CGNL1: variants seen among roughly 807,000 people sequenced by gnomAD.
CGNL1 encodes the protein cingulin-like protein 1.
Under a neutral mutation model 141.2 loss-of-function variants are expected in CGNL1, and 132 were observed. The ratio of observed to expected loss-of-function variants is 0.93; its 90% CI spans 0.81 to 1.08. The LOEUF is 1.08. CGNL1 is among the 50% of genes least tolerant of loss of function. CGNL1 has a pLI of 0.00. For synonymous variants in CGNL1, 690 were observed against 622.1 expected, an observed-to-expected ratio of 1.11 and a Z score of -1.63; for missense variants, 1,870 against 1,588.6, an observed-to-expected ratio of 1.18 and a Z score of -3.01.
At position 57,438,986 on chromosome 15, in the gene CGNL1, T is replaced by A; in HGVS notation, c.987T>A (p.His329Gln). The A allele has an allele frequency of 1.2e-6, 2 of 1,614,180 alleles. No individual in the cohort carries two copies. ...CAIHADNVNR[H>Q]ENRRYIPFLP... ...TCCATGCCGACAACGTCAATCGTCA[T>A]GAAAACAGAAGGTATATTCCCTTCC... Residue 329 changes from histidine (H) to glutamine (Q), a missense_variant, in exon 2 of 19, where the codon CAT (histidine) becomes CAA (glutamine). By Grantham distance (24) the His-to-Gln change is conservative. Coordinates refer to ENST00000281282, the MANE Select transcript of CGNL1 (RefSeq NM_032866.5).
chr15:57,515,495 C>G (rs2030698566), intron 8 of CGNL1, among the ~76,000 whole-genome samples: 2 of 152,194 alleles, frequency 1.3e-5, no homozygotes, highest in Non-Finnish European at 2.9e-5. Context: ...CTTGTCCTCC[C>G]TGGGCCTTTC....
chr15:57,384,691 AAAAT>A (rs2062462995), intron 1 of CGNL1, among the ~76,000 whole-genome samples: 1 of 152,162 alleles, frequency 6.6e-6, no homozygotes, highest in South Asian at 2.1e-4. Context: ...CTTTTTTAAA[AAAAT>A]TGCCATAAAC....
At chr15:57,522,017 C>T (rs188060287) in intron 10 of CGNL1, among the ~76,000 whole-genome samples, 13 of 152,264 alleles carry the variant, frequency 8.5e-5, no homozygotes, top group Admixed American at 1.3e-4. Context: ...CACCCTTTGC[C>T]CCAACACTGC....
At chr15:57,515,485 C>T (rs1242750958) in intron 8 of CGNL1, among the ~76,000 whole-genome samples, 2 of 152,212 alleles carry the variant, frequency 1.3e-5, no homozygotes, top group African/African-American at 4.8e-5. Context: ...AAAGCCTAAC[C>T]TTGTCCTCCC....
At chr15:57,529,911 A>G (rs1489970730) in intron 13 of CGNL1, among the ~76,000 whole-genome samples, 1 of 152,208 alleles carries the variant, frequency 6.6e-6, no homozygotes, top group African/African-American at 2.4e-5. Context: ...GACTAGAATA[A>G]CCTGATTACA....
intron 8 of CGNL1, among the ~76,000 whole-genome samples, chr15:57,495,017 A>G: frequency 6.6e-6 from 1 of 152,060 alleles, no homozygotes; most frequent in East Asian, 1.9e-4. Context: ...CATCACCTCT[A>G]CTGGAAATGG....
At chr15:57,530,513 C>CA (rs2031889778) in intron 13 of CGNL1, among the ~76,000 whole-genome samples, 1 of 152,150 alleles carries the variant, frequency 6.6e-6, no homozygotes, top group Non-Finnish European at 1.5e-5. Flanking sequence ...CTCCTAACGA[C>CA]GGACATTTTC....
chr15:57,393,865 A>G (rs1191547713), intron 1 of CGNL1: 1 of 151,942 alleles, frequency 6.6e-6, no homozygotes, highest in Non-Finnish European at 1.5e-5. Context: ...ACAATTAATG[A>G]TACTAACACT....
At chr15:57,507,646 T>C (rs2064121360) in intron 8 of CGNL1, among the ~76,000 whole-genome samples, 1 of 152,200 alleles carries the variant, frequency 6.6e-6, no homozygotes, top group African/African-American at 2.4e-5. Flanking sequence ...ATATGTAAAC[T>C]CTACAAGTAC....
At chr15:57,449,822 C>A (rs886391116) in intron 4 of CGNL1, among the ~76,000 whole-genome samples, 1 of 152,124 alleles carries the variant, frequency 6.6e-6, no homozygotes, top group Admixed American at 6.5e-5. Context: ...CAGTATATCA[C>A]CTTTTCAGTT....
chr15:57,525,888 TAA>T (rs34635621), intron 12 of CGNL1, among the ~76,000 whole-genome samples: 3 of 144,350 alleles, frequency 2.1e-5, no homozygotes, highest in African/African-American at 5.1e-5. Context: ...TCTTTGGTAT[TAA>T]AAAAAAAAAA....
In CGNL1 at chr15:57,518,502, A is replaced by G. The variant is rs763011005; in HGVS notation, c.2715+5A>G. On this transcript the variant is annotated splice_donor_5th_base_variant and intron_variant, in intron 10 of 18. Coordinates refer to ENST00000281282, the MANE Select transcript of CGNL1 (RefSeq NM_032866.5). The stretch of plus-strand genomic sequence containing the variant: ...AATGAACTGGAGGCTGCTCAGGTAA[A>G]CACCAAGGGCTGTTGTCATTACTCC... The G allele has an allele frequency of 7.5e-6, 12 of 1,593,476 alleles. No homozygotes were observed. The highest frequency in any genetic ancestry group is 1.0e-5 in the Non-Finnish European group (12 of 1,164,980).
Position 57,540,798 on chromosome 15 carries a change from A to G in CGNL1, c.3292-2898A>G, listed in dbSNP as rs144024093. On this transcript the variant is annotated intron_variant, in intron 14 of 18. Coordinates refer to ENST00000281282, the MANE Select transcript of CGNL1 (RefSeq NM_032866.5). ...GCACTTTCTGGGTCTCTTTGTCACA[A>G]TGTCCTGCATAAGACACATCATGTC... Among the ~76,000 whole-genome samples, 249 of 152,348 alleles carry G rather than the reference A, an allele frequency of 1.6e-3. 1 individual carries two copies. Among genetic ancestry groups the G allele is most frequent in the African/African-American group, 5.5e-3 (228 of 41,586 alleles).
intron 13 of CGNL1, among the ~76,000 whole-genome samples, chr15:57,530,581 C>A (rs560021138): frequency 6.6e-6 from 1 of 152,296 alleles, no homozygotes; most frequent in Admixed American, 6.5e-5. Flanking sequence ...TGAGTGATGT[C>A]TGACTATAGT....
At chr15:57,483,448 C>A in intron 8 of CGNL1, among the ~76,000 whole-genome samples, 1 of 147,054 alleles carries the variant, frequency 6.8e-6, no homozygotes, top group Non-Finnish European at 1.5e-5. Context: ...TTGCTGAAAT[C>A]ACATATTCTA....
At chr15:57,468,378 C>G (rs1169386269) in intron 8 of CGNL1, among the ~76,000 whole-genome samples, 1 of 151,428 alleles carries the variant, frequency 6.6e-6, no homozygotes, top group South Asian at 2.1e-4. Flanking sequence ...GGAACTAGGA[C>G]TACAGCTGCA....
intron 4 of CGNL1, among the ~76,000 whole-genome samples, chr15:57,442,837 T>G (rs1465094237): frequency 6.6e-6 from 1 of 152,180 alleles, no homozygotes; most frequent in Non-Finnish European, 1.5e-5. Context: ...CAGGCTGGTC[T>G]CGAACGTCTG....
chr15:57,485,318 G>T (rs1406493105), intron 8 of CGNL1, among the ~76,000 whole-genome samples: 1 of 152,046 alleles, frequency 6.6e-6, no homozygotes, highest in Admixed American at 6.6e-5. Flanking sequence ...TATGGCTCAG[G>T]ATATGGTTTA....
chr15:57,536,169 C>G (rs1461303300), intron 14 of CGNL1, among the ~76,000 whole-genome samples: 1 of 152,124 alleles, frequency 6.6e-6, no homozygotes, highest in Non-Finnish European at 1.5e-5. Context: ...CTTTATAAAA[C>G]CATTAGATCT....
Sources: allele counts gnomAD v4.1 joint callset (sites outside exome capture counted in the v4.1 genomes callset), GRCh38; gene constraint gnomAD v4.1.1; transcripts MANE v1.5; gene names NCBI Gene and HGNC (gene_info 2026-07-23, HGNC 2026-07-21).